Variants in EFR3B observed in about 807,000 individuals in gnomAD.
EFR3B encodes the protein protein EFR3 homolog B.
EFR3B carries 64 observed loss-of-function variants against 104.7 expected under a neutral mutation model. That is an observed-to-expected ratio of 0.61 (90% CI 0.50 to 0.75). The LOEUF is 0.75. Among genes scored for constraint, EFR3B ranks in the 30% least tolerant of loss-of-function variants. EFR3B has a pLI of 0.00. For synonymous variants in EFR3B, 385 were observed against 417.9 expected, an observed-to-expected ratio of 0.92 and a Z score of 0.96; for missense variants, 750 against 1,078.5, an observed-to-expected ratio of 0.70 and a Z score of 4.27.
In EFR3B at chr2:25,098,831, A is replaced by T. The variant is rs867033939; in HGVS notation, c.213-4806A>T. ...ACTTTCCACTCCTGGTAAGTAGCCA[A>T]TTTTTTTTTTTTTTTTTTTTTTTTT... On this transcript the variant is annotated intron_variant, in intron 3 of 22. Coordinates refer to ENST00000403714, the MANE Select transcript of EFR3B (RefSeq NM_014971.2). Among the ~76,000 whole-genome samples the T allele has an allele frequency of 6.8e-3, 573 of 83,734 alleles. 3 individuals carry two copies. The highest frequency in any genetic ancestry group is 0.025 in the African/African-American group (474 of 19,280). 54.9% of individuals were successfully genotyped at this position (83,734 alleles called of 152,430 possible). A position where few individuals can be genotyped will look rare whatever the true frequency, so the allele number is the denominator to read the frequency against.
rs1573225201 is a variant in EFR3B, at chr2:25,130,646, T to C, written c.849+16T>C. 6.5e-7 allele frequency: 1 copy of C among 1,548,848 alleles called. No homozygotes were observed. The highest frequency in any genetic ancestry group is 8.7e-7 in the Non-Finnish European group (1 of 1,144,438). ...CTCAATTCAGGTATGGTGGCTCCCCTGGGCCAGCCGGATCCCAGGACAAAG... is the reference window on the plus strand; with the variant it reads ...CTCAATTCAGGTATGGTGGCTCCCCCGGGCCAGCCGGATCCCAGGACAAAG... On this transcript the variant is annotated intron_variant, in intron 8 of 22. Coordinates refer to ENST00000403714, the MANE Select transcript of EFR3B (RefSeq NM_014971.2). The surrounding 1 kb of genome is among the most constrained non-coding windows in gnomAD (Gnocchi z 4.6).
chr2:25,113,673 AAAAAAAAAAGAAAAG>A (rs2149196868), intron 4 of EFR3B, among the ~76,000 whole-genome samples: 1 of 90,826 alleles, frequency 1.1e-5, no homozygotes, highest in East Asian at 8.3e-4. Flanking sequence ...GTCTCAAAAA[AAAAAAAAAAGAAAAG>A]AAAAGAAAAA....
chr2:25,084,211 T>C (rs72807668), intron 1 of EFR3B, among the ~76,000 whole-genome samples: 1 of 151,640 alleles, frequency 6.6e-6, no homozygotes, highest in African/African-American at 2.4e-5. Context: ...CAGGTCTCAG[T>C]TAATTAATTA....
chr2:25,128,433 A>AG, intron 6 of EFR3B, 101 bp downstream of exon 6: 2 of 1,444,530 alleles, frequency 1.4e-6, no homozygotes, highest in Non-Finnish European at 1.9e-6. Flanking sequence ...CTCAGCTACA[A>AG]GGCCAGGGAC....
rs1022771828 is a variant in EFR3B, at chr2:25,059,173, C to G, written c.7+16854C>G. 4.1e-5 allele frequency among the ~76,000 whole-genome samples: 6 copies of G among 147,818 alleles called. No individual in the cohort carries two copies. In the Admixed American group the frequency reaches 4.1e-4, roughly 10 times the overall value. ...TGTCTCCCAGGCTGGAGTGCAATGG[C>G]GCAATTTTGGCTCACTGCAGCCTCC... On this transcript the variant is annotated intron_variant, in intron 1 of 22. Coordinates refer to ENST00000403714, the MANE Select transcript of EFR3B (RefSeq NM_014971.2).
At chr2:25,054,542 G>A (rs1182119678) in intron 1 of EFR3B, among the ~76,000 whole-genome samples, 5 of 152,008 alleles carry the variant, frequency 3.3e-5, no homozygotes, top group African/African-American at 4.8e-5. Flanking sequence ...GGCCTTGAAC[G>A]CCTGATCTCA....
intron 17 of EFR3B, 61 bp downstream of exon 17, chr2:25,141,494 TG>T: frequency 6.5e-7 from 1 of 1,531,558 alleles, no homozygotes; most frequent in Non-Finnish European, 8.8e-7. Flanking sequence ...AGCAGGTGGG[TG>T]GTCTGAGGTC....
At chr2:25,145,901 G>T (rs2149212277) in intron 19 of EFR3B, 1 of 151,606 alleles carries the variant, frequency 6.6e-6, no homozygotes, top group Middle Eastern at 3.4e-3. Flanking sequence ...TAACACAACA[G>T]TATCATCTGA....
chr2:25,056,079 G>A (rs1172573636), intron 1 of EFR3B, among the ~76,000 whole-genome samples: 2 of 152,170 alleles, frequency 1.3e-5, no homozygotes, highest in African/African-American at 4.8e-5. Context: ...TGTTTCCAGG[G>A]TATCAATGAG....
At chr2:25,144,407 G>A (rs560579951) in intron 18 of EFR3B, among the ~76,000 whole-genome samples, 6 of 145,974 alleles carry the variant, frequency 4.1e-5, no homozygotes, top group African/African-American at 1.5e-4. Flanking sequence ...AGCTGCATGT[G>A]GTGGTGGGTG....
chr2:25,151,057 T>TAAAA (rs200604743), intron 20 of EFR3B, among the ~76,000 whole-genome samples: 1 of 133,626 alleles, frequency 7.5e-6, no homozygotes, highest in South Asian at 2.4e-4. Context: ...TCATCTCTAT[T>TAAAA]AAAAAAAAAA....
At chr2:25,095,742 T>C (rs1669258268) in intron 3 of EFR3B, among the ~76,000 whole-genome samples, 2 of 152,128 alleles carry the variant, frequency 1.3e-5, no homozygotes. Context: ...GGAGTATTCA[T>C]TTTATGAACA....
Position 25,101,505 on chromosome 2 carries a change from T to C in EFR3B, c.213-2132T>C, listed in dbSNP as rs1161848860. On this transcript the variant is annotated intron_variant, in intron 3 of 22. Coordinates refer to ENST00000403714, the MANE Select transcript of EFR3B (RefSeq NM_014971.2). ...CTGGGATTACAGGCATACACCACCA[T>C]GCCTGGCTAATTTTTGCATTTATCA... is the stretch of plus-strand genomic sequence containing the variant. 2.0e-5 allele frequency among the ~76,000 whole-genome samples: 3 copies of C among 152,220 alleles called. No homozygotes were observed. The South Asian group carries it at 6.2e-4, about 32-fold the overall frequency.
chr2:25,148,909 G>A (rs529793617), intron 19 of EFR3B, among the ~76,000 whole-genome samples: 8 of 102,606 alleles, frequency 7.8e-5, no homozygotes, highest in Non-Finnish European at 1.4e-4. Flanking sequence ...GTGACAGAGC[G>A]AGACTCCGTC....
At chr2:25,044,874 G>A (rs1238061089) in intron 1 of EFR3B, among the ~76,000 whole-genome samples, 1 of 152,088 alleles carries the variant, frequency 6.6e-6, no homozygotes, top group African/African-American at 2.4e-5. Flanking sequence ...TGGGAGGCTG[G>A]GAACCCCATG....
Position 25,136,649 on chromosome 2 carries a change from C to T in EFR3B, c.1560+51C>T, listed in dbSNP as rs373201553. The T allele has an allele frequency of 3.5e-4, 520 of 1,482,856 alleles. 3 individuals are homozygous for T. In the African/African-American group the frequency reaches 5.2e-3, roughly 15 times the overall value. The allele number at this position is 1,482,856 out of a possible 1,614,324, so 91.9% of individuals were successfully genotyped here. ...AGTGAAGGGCGGGCACGGTGGCTCA[C>T]GCCTGCAATCCCAGCACTTTGGGAG... On this transcript the variant is annotated intron_variant, in intron 14 of 22. Transcript: ENST00000403714. The surrounding 1 kb of genome is among the most constrained non-coding windows in gnomAD (Gnocchi z 4.0).
chr2:25,048,289 C>T (rs1269481680), intron 1 of EFR3B, among the ~76,000 whole-genome samples: 4 of 152,196 alleles, frequency 2.6e-5, no homozygotes, highest in Non-Finnish European at 5.9e-5. Flanking sequence ...GCTGGGATTA[C>T]AGGCATGAAC....
Position 25,131,460 on chromosome 2 carries a change from A to G in EFR3B, c.942A>G (p.Glu314=), listed in dbSNP as rs779917360. 22 of 1,550,480 alleles carry G rather than the reference A, an allele frequency of 1.4e-5. No individual in the cohort carries two copies. In the South Asian group the frequency reaches 2.6e-4, roughly 18 times the overall value. Residue 314 remains glutamate (E), a synonymous_variant, in exon 9 of 23, where the codon GAA becomes GAG. Transcript: ENST00000403714. This position sits in a 1 kb window ranked among gnomAD's most constrained non-coding sequence, Gnocchi z 7.6. ...SAATVRAGIV[E]VLSEAAVIAA... is the part of the protein sequence containing the mutation. The stretch of plus-strand genomic sequence containing the variant: ...CGACGGTGCGCGCGGGCATCGTGGA[A>G]GTCTTGTCGGAAGCCGCGGTCATCG...
intron 5 of EFR3B, among the ~76,000 whole-genome samples, chr2:25,122,125 C>A (rs1439162738): frequency 1.3e-5 from 2 of 152,054 alleles, no homozygotes; most frequent in Admixed American, 1.3e-4. Flanking sequence ...CACCACCACG[C>A]CCGGCTAATA....
Sources: allele counts gnomAD v4.1 joint callset (sites outside exome capture counted in the v4.1 genomes callset), GRCh38; gene constraint gnomAD v4.1.1; non-coding constraint Gnocchi (gnomAD v3.1); transcripts MANE v1.5; gene names NCBI Gene and HGNC (gene_info 2026-07-23, HGNC 2026-07-21).